ESPN: variants seen among roughly 807,000 people sequenced by gnomAD.
ESPN encodes espin.
In ESPN, 68 loss-of-function variants were observed where a neutral mutation model predicts 77.7. That is an observed-to-expected ratio of 0.87 (90% CI 0.72 to 1.07). The LOEUF is 1.07. ESPN is among the 50% of genes least tolerant of loss of function. The probability of loss-of-function intolerance (pLI) is 0.00; values close to 1 mark genes in which losing one functional copy is unlikely to be tolerated. For synonymous variants in ESPN, 449 were observed against 567.1 expected (o/e 0.79, Z 2.96); for missense variants, 1,060 against 1,239.0 (o/e 0.86, Z 2.17).
chr1:6,458,224 G>T (rs574144640), intron 12 of ESPN, among the ~76,000 whole-genome samples: 34 of 152,074 alleles, frequency 2.2e-4, no homozygotes, highest in African/African-American at 7.7e-4. Context: ...CACCATGTTG[G>T]CCAAGCTGGT....
At chr1:6,453,968 T>A (rs1006195560) in intron 10 of ESPN, among the ~76,000 whole-genome samples, 18 of 152,176 alleles carry the variant, frequency 1.2e-4, no homozygotes, top group Middle Eastern at 3.4e-3. Flanking sequence ...CAGAAAACAT[T>A]GAGCACAGGG....
intron 10 of ESPN, 62 bp from the exon 11 acceptor site, chr1:6,457,122 G>A: frequency 1.3e-6 from 2 of 1,510,170 alleles, no homozygotes; most frequent in Non-Finnish European, 1.8e-6. Context: ...AGGTCCCGAG[G>A]TTGAGGGTGC....
intron 2 of ESPN, among the ~76,000 whole-genome samples, chr1:6,438,126 G>A (rs571105131): frequency 6.6e-6 from 1 of 152,278 alleles, no homozygotes; most frequent in African/African-American, 2.4e-5. Flanking sequence ...AGCACAAAAG[G>A]TGAATTGGAA....
intron 10 of ESPN, among the ~76,000 whole-genome samples, chr1:6,452,904 A>T (rs7543827): frequency 0.013 from 1,953 of 150,916 alleles, 41 homozygotes; most frequent in African/African-American, 0.044. Flanking sequence ...TTTATTTTTT[A>T]TTTTTTGAGA....
chr1:6,454,001 G>C (rs1022911218), intron 10 of ESPN, among the ~76,000 whole-genome samples: 1 of 152,192 alleles, frequency 6.6e-6, no homozygotes, highest in African/African-American at 2.4e-5. Context: ...TGGGCCACAG[G>C]GGAGCTGGAG....
chr1:6,454,913 C>T, intron 10 of ESPN: 1 of 387,090 alleles, frequency 2.6e-6, no homozygotes, highest in East Asian at 3.7e-5. Flanking sequence ...GCTGGTGCCG[C>T]GAGGCTGTGG....
At chr1:6,449,498 T>C (rs12095623) in intron 8 of ESPN, among the ~76,000 whole-genome samples, 32,221 of 152,156 alleles carry the variant, frequency 0.21, 7,591 homozygotes, top group African/African-American at 0.59. Context: ...TAGAACCAGC[T>C]TCAGAGAGGC....
downstream of ESPN, chr1:6,461,268 T>G (rs148817452): frequency 1.1e-6 from 1 of 888,104 alleles, no homozygotes; most frequent in African/African-American, 1.7e-5. This position sits in a 1 kb window ranked among gnomAD's most constrained non-coding sequence, Gnocchi z 6.3. Context: ...CTTCTTCGCC[T>G]TGGCTGGAGC....
At position 6,445,172 on chromosome 1, in the gene ESPN, A is replaced by G. The variant is rs1479504029; in HGVS notation, c.1192+490A>G. 2.0e-5 allele frequency among the ~76,000 whole-genome samples: 3 copies of G among 152,222 alleles called. No homozygotes were observed. In the East Asian group the frequency reaches 5.8e-4, roughly 29 times the overall value. The stretch of plus-strand genomic sequence containing the variant: ...TTCATCAGTACAAAGAAGCATGTGC[A>G]CAAATGCGTACCCCCTCAAACATAC... On this transcript the variant is annotated intron_variant, in intron 6 of 12. Coordinates refer to ENST00000645284, the MANE Select transcript of ESPN (RefSeq NM_031475.3).
chr1:6,440,918 C>G lies in ESPN; in HGVS notation c.859-16C>G. On this transcript the variant is annotated splice_polypyrimidine_tract_variant and intron_variant, in intron 4 of 12. Transcript: ENST00000645284. ...GCTCGCGGCCGCGGCCGGGTCCTCA[C>G]TGCGTGCCCCCGCAGTGCTGCCAGA... The G allele has an allele frequency of 6.4e-7, 1 of 1,558,818 alleles. No individual in the cohort carries two copies. The highest frequency in any genetic ancestry group is 2.4e-5 in the East Asian group (1 of 41,690).
chr1:6,457,841 A>G (rs1421921448), intron 12 of ESPN, among the ~76,000 whole-genome samples: 2 of 152,158 alleles, frequency 1.3e-5, no homozygotes, highest in Non-Finnish European at 2.9e-5. Flanking sequence ...ATCAATTATG[A>G]AAATTATTAA....
chr1:6,456,434 C>T (rs1644059275), intron 10 of ESPN: 1 of 326,422 alleles, frequency 3.1e-6, no homozygotes, highest in Non-Finnish European at 5.5e-6. Context: ...CCGCCTCTGG[C>T]CCCGTGGCCT....
At position 6,444,422 on chromosome 1, in the gene ESPN, T is replaced by C. The variant is rs58050298; in HGVS notation, c.991-59T>C. The C allele has an allele frequency of 8.0e-4, 1,257 of 1,570,106 alleles. 13 individuals carry two copies. In the African/African-American group the frequency reaches 0.015, roughly 19 times the overall value. On this transcript the variant is annotated intron_variant, in intron 5 of 12. Coordinates refer to ENST00000645284, the MANE Select transcript of ESPN (RefSeq NM_031475.3). ...GGCATGACTGAGTAGGACCCTGGCC[T>C]GGAGAGCAACGCATCTTGGGGTATG...
Position 6,445,705 on chromosome 1 carries a change from G to T in ESPN, c.1234G>T (p.Asp412Tyr). Residue 412 changes from aspartate to tyrosine, a missense_variant, in exon 7 of 13, where the codon GAC (aspartate) becomes TAC (tyrosine). Around this residue, in one of 3 missense-constraint regions of ESPN, gnomAD observed 556 missense variants for 633.6 expected, o/e 0.88. Transcript: ENST00000645284. ...ARAADIQSYM[D>Y]MLNPELGLPR... Reference sequence around the variant, plus strand: ...AGCTGCAGACATACAGAGCTACATGGACATGCTGAACCCGGAGCTGGGCCT... The same window carrying T: ...AGCTGCAGACATACAGAGCTACATGTACATGCTGAACCCGGAGCTGGGCCT... 6.2e-7 allele frequency: 1 copy of T among 1,612,512 alleles called. No individual in the cohort carries two copies. Among genetic ancestry groups the T allele is most frequent in the Non-Finnish European group, 8.5e-7 (1 of 1,179,886 alleles).
In ESPN at chr1:6,456,955, T is replaced by C. The variant is rs3007413; in HGVS notation, c.2326-229T>C. ...CTACTTGTTCTCTGCTTCTGTCCCA[T>C]TCAGCTCTGATCTCTCTGGTGCCTC... On this transcript the variant is annotated intron_variant, in intron 10 of 12. Coordinates refer to ENST00000645284, the MANE Select transcript of ESPN (RefSeq NM_031475.3). Among the ~76,000 whole-genome samples, 45,405 of 152,240 alleles carry C rather than the reference T, an allele frequency of 0.3. 10,568 individuals carry two copies. The highest frequency in any genetic ancestry group is 0.65 in the African/African-American group (27,139 of 41,518).
intron 7 of ESPN, chr1:6,448,437 G>A: frequency 1.9e-6 from 1 of 524,718 alleles, no homozygotes. Flanking sequence ...CCTGTAAGGC[G>A]GGCGGAGCCT....
chr1:6,429,274 G>T (rs1488212025), intron 2 of ESPN, among the ~76,000 whole-genome samples: 1 of 152,088 alleles, frequency 6.6e-6, no homozygotes, highest in Non-Finnish European at 1.5e-5. Flanking sequence ...AGCCTGAGAT[G>T]TAAATGTGAA....
Position 6,445,686 on chromosome 1 carries a change from A to G in ESPN, c.1215A>G (p.Ala405=). 2 of 1,612,682 alleles carry G rather than the reference A, an allele frequency of 1.2e-6. No homozygotes were observed. The highest frequency in any genetic ancestry group is 1.7e-6 in the Non-Finnish European group (2 of 1,179,896). ...PPCGLSSARA[A]DIQSYMDMLN... ...CAGGGCTTTCCAGCGCTAGAGCTGCAGACATACAGAGCTACATGGACATGC... is the reference window on the plus strand; with the variant it reads ...CAGGGCTTTCCAGCGCTAGAGCTGCGGACATACAGAGCTACATGGACATGC... Residue 405 remains alanine, a synonymous_variant, in exon 7 of 13, where the codon GCA becomes GCG. Coordinates refer to ENST00000645284, the MANE Select transcript of ESPN (RefSeq NM_031475.3).
At position 6,428,575 on chromosome 1, in the gene ESPN, T is replaced by A. The variant is rs1643125847; in HGVS notation, c.488+156T>A. Among the ~76,000 whole-genome samples, 4 of 152,178 alleles carry A rather than the reference T, an allele frequency of 2.6e-5. No individual in the cohort carries two copies. In the South Asian group the frequency reaches 8.3e-4, roughly 32 times the overall value. Reference sequence around the variant, plus strand: ...GCCAGGCCAGAGAAATGGCTCCCACTCAACATGAAATTTTCCCCTCCTGGA... The same window carrying A: ...GCCAGGCCAGAGAAATGGCTCCCACACAACATGAAATTTTCCCCTCCTGGA... On this transcript the variant is annotated intron_variant, in intron 2 of 12. Coordinates refer to ENST00000645284, the MANE Select transcript of ESPN (RefSeq NM_031475.3). This position sits in a 1 kb window ranked among gnomAD's most constrained non-coding sequence, Gnocchi z 5.4.
Sources: gnomAD v4.1 joint callset for allele counts (sites outside exome capture counted in the v4.1 genomes callset) on GRCh38, gnomAD v4.1.1 for gene constraint, gnomAD v4.1.1 regional missense constraint, Gnocchi (gnomAD v3.1) non-coding constraint, MANE v1.5 for transcripts, NCBI Gene and HGNC (gene_info 2026-07-23, HGNC 2026-07-21) for gene names.